PCDH9: variants seen among roughly 807,000 people sequenced by gnomAD.
PCDH9 encodes the protein protocadherin 9.
Under a neutral mutation model 70.6 loss-of-function variants are expected in PCDH9, and 24 were observed. The observed-to-expected ratio is 0.34, with a 90% CI of 0.25 to 0.48. The LOEUF (loss-of-function observed/expected upper bound fraction) is 0.48, where lower values mean the gene tolerates loss of function less well. Ranked by LOEUF, PCDH9 falls within the 20% of genes least tolerant of loss-of-function variation. PCDH9 has a pLI of 0.99. For synonymous variants in PCDH9, 562 were observed against 558.5 expected, an observed-to-expected ratio of 1.01 and a Z score of -0.09; for missense variants, 1,281 against 1,503.6, an observed-to-expected ratio of 0.85 and a Z score of 2.45.
chr13:66,559,831 T>TACACAC (rs143486261), intron 4 of PCDH9, among the ~76,000 whole-genome samples: 2 of 112,622 alleles, frequency 1.8e-5, no homozygotes, highest in East Asian at 2.6e-4. Context: ...TATATATATA[T>TACACAC]ATACACACAC....
In PCDH9 at chr13:67,151,698, A is replaced by G. The variant is rs1768607646; in HGVS notation, c.3036+73707T>C. On this transcript the variant is annotated intron_variant, in intron 2 of 4. Coordinates refer to ENST00000377865, the MANE Select transcript of PCDH9 (RefSeq NM_203487.3). Reference sequence around the variant, plus strand: ...GCTCTATACTTAGAGGAAGAAAAAAATTCATCTTTTCAATCTATCAAAACT... The same window carrying G: ...GCTCTATACTTAGAGGAAGAAAAAAGTTCATCTTTTCAATCTATCAAAACT... 2.0e-5 allele frequency among the ~76,000 whole-genome samples: 3 copies of G among 152,128 alleles called. No individual in the cohort carries two copies. In the South Asian group the frequency reaches 6.2e-4, roughly 32 times the overall value.
intron 3 of PCDH9, among the ~76,000 whole-genome samples, chr13:66,812,454 A>G (rs2080526676): frequency 1.3e-5 from 2 of 152,200 alleles, no homozygotes; most frequent in African/African-American, 4.8e-5. Flanking sequence ...ATAAATCACT[A>G]TGTCAAACAC....
chr13:66,336,429 G>A (rs1294258541), intron 4 of PCDH9, among the ~76,000 whole-genome samples: 1 of 151,802 alleles, frequency 6.6e-6, no homozygotes, highest in African/African-American at 2.4e-5. Context: ...GAGAGATGAT[G>A]TCACCCTCTA....
chr13:67,170,337 T>A (rs577705152), intron 2 of PCDH9, among the ~76,000 whole-genome samples: 1 of 152,302 alleles, frequency 6.6e-6, no homozygotes, highest in South Asian at 2.1e-4. Context: ...ATAATAATTA[T>A]TTTTCTAACA....
chr13:66,486,021 C>T (rs986477825), intron 4 of PCDH9, among the ~76,000 whole-genome samples: 1 of 152,130 alleles, frequency 6.6e-6, no homozygotes, highest in Admixed American at 6.5e-5. Flanking sequence ...AGCCACTGTG[C>T]TGGGTCCAAA....
chr13:66,398,154 T>C (rs921884915), intron 4 of PCDH9, among the ~76,000 whole-genome samples: 2 of 152,054 alleles, frequency 1.3e-5, no homozygotes, highest in Admixed American at 6.6e-5. Flanking sequence ...GGTCACCAGA[T>C]ATACCTCAGA....
In PCDH9 at chr13:66,456,634, C is replaced by T. The variant is rs149924458; in HGVS notation, c.3341-151606G>A. On this transcript the variant is annotated intron_variant, in intron 4 of 4. Coordinates refer to ENST00000377865, the MANE Select transcript of PCDH9 (RefSeq NM_203487.3). ...AACTCGACTCTGAATTTCATTTCCC[C>T]TATGATAAGACTGTAGCATTCCAAT... 1.3e-3 allele frequency among the ~76,000 whole-genome samples: 196 copies of T among 152,248 alleles called. 5 individuals are homozygous for T. In the East Asian group the frequency reaches 0.036, roughly 28 times the overall value.
chr13:66,936,262 C>A (rs1345745573), intron 2 of PCDH9, among the ~76,000 whole-genome samples: 1 of 152,124 alleles, frequency 6.6e-6, no homozygotes, highest in Non-Finnish European at 1.5e-5. Flanking sequence ...CAAGATACAG[C>A]TTAACATCAG....
intron 4 of PCDH9, among the ~76,000 whole-genome samples, chr13:66,399,079 T>G (rs1016099762): frequency 2.0e-5 from 3 of 152,340 alleles, no homozygotes; most frequent in Non-Finnish European, 1.5e-5. Flanking sequence ...TTTACAATCT[T>G]GCTTTTTCTT....
chr13:66,746,622 T>C (rs1233643892), intron 3 of PCDH9, among the ~76,000 whole-genome samples: 2 of 152,158 alleles, frequency 1.3e-5, no homozygotes, highest in East Asian at 3.9e-4. Context: ...TGAAAATAAG[T>C]ATATACAATT....
chr13:66,901,163 T>C (rs1466689637), intron 3 of PCDH9, among the ~76,000 whole-genome samples: 2 of 151,792 alleles, frequency 1.3e-5, no homozygotes, highest in African/African-American at 4.8e-5. Flanking sequence ...TCAAGTTTTA[T>C]TTTATAAGAA....
intron 2 of PCDH9, among the ~76,000 whole-genome samples, chr13:67,166,902 A>G (rs537581404): frequency 6.6e-6 from 1 of 152,284 alleles, no homozygotes; most frequent in East Asian, 1.9e-4. Context: ...TGGAAAGGGA[A>G]TTTGCCTGAC....
intron 3 of PCDH9, among the ~76,000 whole-genome samples, chr13:66,778,203 A>G (rs1056958529): frequency 2.0e-5 from 3 of 151,964 alleles, no homozygotes; most frequent in African/African-American, 7.2e-5. Flanking sequence ...TAATGGGTGT[A>G]GCACACCAGC....
rs573806568 is a variant in PCDH9 at position 66,882,884 on chromosome 13, T to C, written c.3138+20620A>G. 1.3e-4 allele frequency among the ~76,000 whole-genome samples: 20 copies of C among 152,338 alleles called. No individual in the cohort carries two copies. The South Asian group carries it at 4.1e-3, about 32-fold the overall frequency. Reference sequence around the variant, plus strand: ...TATCTTAATTGAAGATAAATAATACTGACCTCGTGAAGTCCTCCACATTTC... The same window carrying C: ...TATCTTAATTGAAGATAAATAATACCGACCTCGTGAAGTCCTCCACATTTC... On this transcript the variant is annotated intron_variant, in intron 3 of 4. Coordinates refer to ENST00000377865, the MANE Select transcript of PCDH9 (RefSeq NM_203487.3).
intron 3 of PCDH9, among the ~76,000 whole-genome samples, chr13:66,753,960 T>C (rs920545112): frequency 1.3e-5 from 2 of 152,224 alleles, no homozygotes; most frequent in African/African-American, 2.4e-5. Flanking sequence ...AATGCATTGA[T>C]TATTAATGAA....
At position 66,401,308 on chromosome 13, in the gene PCDH9, C is replaced by T. The variant is rs192628419; in HGVS notation, c.3341-96280G>A. ...GGCGGTCCCCCCATGCTGTTCTTCT[C>T]GTGATAGTGAGTGAGTTATCATGGG... is the stretch of plus-strand genomic sequence containing the variant. On this transcript the variant is annotated intron_variant, in intron 4 of 4. Coordinates refer to ENST00000377865, the MANE Select transcript of PCDH9 (RefSeq NM_203487.3). Among the ~76,000 whole-genome samples the T allele has an allele frequency of 4.3e-3, 651 of 151,976 alleles. 3 individuals are homozygous for T. Among genetic ancestry groups the T allele is most frequent in the Non-Finnish European group, 6.0e-3 (409 of 67,990 alleles).
intron 2 of PCDH9, among the ~76,000 whole-genome samples, chr13:66,966,018 C>T (rs2083429120): frequency 6.6e-6 from 1 of 152,024 alleles, no homozygotes; most frequent in Non-Finnish European, 1.5e-5. Flanking sequence ...GTTCTCATTA[C>T]TAATTTACGA....
intron 4 of PCDH9, among the ~76,000 whole-genome samples, chr13:66,401,661 G>C (rs986622286): frequency 6.6e-6 from 1 of 151,814 alleles, no homozygotes; most frequent in Non-Finnish European, 1.5e-5. Context: ...TACCACTTAA[G>C]GTCCTAGATA....
chr13:67,114,312 A>G (rs2086717801), intron 2 of PCDH9, among the ~76,000 whole-genome samples: 1 of 152,330 alleles, frequency 6.6e-6, no homozygotes, highest in South Asian at 2.1e-4. Context: ...TGCTTTATAC[A>G]TGAAAAGAAT....
Sources: gnomAD v4.1 joint callset for allele counts (sites outside exome capture counted in the v4.1 genomes callset) on GRCh38, gnomAD v4.1.1 for gene constraint, MANE v1.5 for transcripts, NCBI Gene and HGNC (gene_info 2026-07-23, HGNC 2026-07-21) for gene names.